The following NTRK1 variants were observed in gnomAD, a reference collection of about 807,000 sequenced individuals.
NTRK1 encodes the protein neurotrophic receptor tyrosine kinase 1.
Under a neutral mutation model 86.8 loss-of-function variants are expected in NTRK1, and 62 were observed. That is an observed-to-expected ratio of 0.71 (90% confidence interval 0.58 to 0.88). NTRK1 has a LOEUF of 0.88. NTRK1 is among the 40% of genes least tolerant of loss of function. NTRK1 has a pLI of 0.00. For synonymous variants in NTRK1, 469 were observed against 456.6 expected, an observed-to-expected ratio of 1.03 and a Z score of -0.35; for missense variants, 967 against 1,078.4, an observed-to-expected ratio of 0.90 and a Z score of 1.45.
chr1:156,879,176 C>CT lies in NTRK1; in HGVS notation c.1860_1861insT (p.Pro621SerfsTer12), dbSNP rs80356676. 4.3e-6 allele frequency: 7 copies of CT among 1,613,070 alleles called. 1 individual carries two copies. The Middle Eastern group carries it at 1.2e-3, about 267-fold the overall frequency. On this transcript the variant is annotated frameshift_variant, in exon 15 of 17. Transcript: ENST00000524377. LOFTEE classifies it high-confidence loss of function. ...CTGGTGGGGAGGATGTGGCTCCAGG[C>CT]CCCCTGGGTCTGGGGCAGCTGCTGG...
rs776166825 is a variant in NTRK1, at chr1:156,879,368, G to A, written c.2046+6G>A. The stretch of plus-strand genomic sequence containing the variant: ...ACAGCACCGACTATTACCGTGTAAG[G>A]GTCCTTTGTCCCCAACGCCTTCCCC... On this transcript the variant is annotated splice_donor_region_variant and intron_variant, in intron 15 of 16. Transcript: ENST00000524377. 1 of 1,595,838 alleles carries A rather than the reference G, an allele frequency of 6.3e-7. No homozygotes were observed. The highest frequency in any genetic ancestry group is 1.1e-5 in the South Asian group (1 of 90,886).
chr1:156,844,401 T>C (rs1218328005), intron 2 of NTRK1: 3 of 1,581,104 alleles, frequency 1.9e-6, no homozygotes, highest in Admixed American at 1.7e-5. Context: ...GGGCCTGTGG[T>C]GGGCTGGGGA....
intron 2 of NTRK1, chr1:156,849,504 A>AGGGGGGGGGGG: frequency 4.1e-6 from 1 of 243,714 alleles, no homozygotes; most frequent in South Asian, 2.6e-5. Flanking sequence ...AGGTGGGGGC[A>AGGGGGGGGGGG]GGGGGTGGGA....
At chr1:156,830,550 C>CTTTTT (rs5778003) in intron 1 of NTRK1, among the ~76,000 whole-genome samples, 2 of 105,410 alleles carry the variant, frequency 1.9e-5, no homozygotes, top group African/African-American at 4.0e-5. Context: ...TTGTGGGATT[C>CTTTTT]TTTTTTTTTT....
chr1:156,878,998 C>T, intron 14 of NTRK1, 124 bp from the exon 15 acceptor site: 1 of 1,159,528 alleles, frequency 8.6e-7, no homozygotes. Context: ...ACTGTTCTCT[C>T]AATCCTCCAC....
chr1:156,832,869 C>T (rs1461294440), intron 1 of NTRK1, among the ~76,000 whole-genome samples: 1 of 152,222 alleles, frequency 6.6e-6, no homozygotes, highest in African/African-American at 2.4e-5. Flanking sequence ...GTCTACATGT[C>T]TTCTCTCCCA....
rs777560126 is a variant in NTRK1, at chr1:156,854,212, G to A, written c.51-10142G>A. 10 of 1,614,068 alleles carry A rather than the reference G, an allele frequency of 6.2e-6. No homozygotes were observed. The highest frequency in any genetic ancestry group is 1.7e-4 in the Middle Eastern group (1 of 6,058). ...AGTCCTCCCCGGTGGCTGTGAACAT[G>A]AGCAGGATCTGCAGGTGGCCCTCCA... On this transcript the variant is annotated intron_variant, in intron 2 of 16. Coordinates refer to the NTRK1 transcript ENST00000392302. This position sits in a 1 kb window ranked among gnomAD's most constrained non-coding sequence, Gnocchi z 4.2.
chr1:156,874,619 C>A lies in NTRK1; in HGVS notation c.1244C>A (p.Pro415His), dbSNP rs2102910231. 1.2e-6 allele frequency: 2 copies of A among 1,613,766 alleles called. No individual in the cohort carries two copies. Among genetic ancestry groups the A allele is most frequent in the Non-Finnish European group, 1.7e-6 (2 of 1,179,846 alleles). Reference protein sequence around the residue: ...GDPVEKKDETPFGVSVAVGLA... With the variant: ...GDPVEKKDETHFGVSVAVGLA... ...CCGGTGGAGAAGAAGGACGAAACAC[C>A]TTTTGGGGTGAGATAGGAAGTAGAA... Residue 415 changes from proline (P) to histidine (H), a missense_variant, in exon 10 of 17, where the codon CCT becomes CAT. Physicochemically the swap from Pro to His is moderately conservative, Grantham distance 77. Coordinates refer to ENST00000524377, the MANE Select transcript of NTRK1 (RefSeq NM_002529.4).
At chr1:156,817,744 G>A (rs946736492) in intron 1 of NTRK1, among the ~76,000 whole-genome samples, 1 of 151,528 alleles carries the variant, frequency 6.6e-6, no homozygotes, top group African/African-American at 2.4e-5. Flanking sequence ...CCAGGTTCAA[G>A]GGATTCTTGT....
At chr1:156,833,432 C>T (rs901418068) in intron 1 of NTRK1, among the ~76,000 whole-genome samples, 11 of 152,136 alleles carry the variant, frequency 7.2e-5, no homozygotes, top group Non-Finnish European at 1.6e-4. Context: ...TGGCATACCC[C>T]TATAATCCCA....
At chr1:156,828,890 C>A (rs1369124425) in intron 1 of NTRK1, among the ~76,000 whole-genome samples, 6 of 152,216 alleles carry the variant, frequency 3.9e-5, no homozygotes, top group South Asian at 2.1e-4. Flanking sequence ...TAAAAGGCTG[C>A]TGCTGTCAGG....
intron 1 of NTRK1, among the ~76,000 whole-genome samples, chr1:156,830,756 T>A (rs1204107604): frequency 6.6e-6 from 1 of 152,058 alleles, no homozygotes. Context: ...GGTTTTGCCA[T>A]GTTGGCCAGG....
intron 12 of NTRK1, 118 bp from the exon 13 acceptor site, chr1:156,875,962 C>T (rs1571698967): frequency 6.7e-7 from 1 of 1,487,828 alleles, no homozygotes; most frequent in East Asian, 2.3e-5. Context: ...TTTTAGCCCC[C>T]ATGCAGTCCC....
chr1:156,848,886 C>T (rs1376536674), intron 2 of NTRK1: 2 of 1,545,332 alleles, frequency 1.3e-6, no homozygotes, highest in Non-Finnish European at 1.7e-6. Context: ...CTCGTCCGGT[C>T]CCGCCCCCGC....
At chr1:156,842,560 G>A in intron 2 of NTRK1, 1 of 1,463,262 alleles carries the variant, frequency 6.8e-7, no homozygotes, top group South Asian at 1.1e-5. Flanking sequence ...TGACCCATTT[G>A]GCCAAAATTC....
rs530955534 is a variant in NTRK1 at position 156,873,157 on chromosome 1, C to T, written c.851-476C>T. Reference sequence around the variant, plus strand: ...GAACTCCTGGCCTCAAGCGATCCTCCCACCTCAGCCCCCTGAGTAGCTGGG... The same window carrying T: ...GAACTCCTGGCCTCAAGCGATCCTCTCACCTCAGCCCCCTGAGTAGCTGGG... On this transcript the variant is annotated intron_variant, in intron 7 of 16. Transcript: ENST00000524377. 5.3e-5 allele frequency among the ~76,000 whole-genome samples: 8 copies of T among 151,870 alleles called. No individual in the cohort carries two copies. In the East Asian group the frequency reaches 1.6e-3, roughly 30 times the overall value.
chr1:156,844,125 T>C (rs1325911283), intron 2 of NTRK1: 1 of 1,357,412 alleles, frequency 7.4e-7, no homozygotes, highest in East Asian at 2.3e-5. Context: ...GACTTTATGA[T>C]GAGGGCTCAG....
chr1:156,881,543 G>T lies in NTRK1; in HGVS notation c.2292G>T (p.Trp764Cys), dbSNP rs1420472466. The T allele has an allele frequency of 1.9e-6, 3 of 1,607,008 alleles. No individual in the cohort carries two copies. The highest frequency in any genetic ancestry group is 2.5e-6 in the Non-Finnish European group (3 of 1,177,188). Residue 764 changes from tryptophan (W) to cysteine (C), a missense_variant, in exon 17 of 17, where the codon TGG becomes TGT. Trp to Cys is a radical substitution (Grantham distance 215). Around this residue, in one of 2 missense-constraint regions of NTRK1, gnomAD observed 637 missense variants for 776.5 expected, o/e 0.82. Coordinates refer to ENST00000524377, the MANE Select transcript of NTRK1 (RefSeq NM_002529.4). ...TCTACGCCATCATGCGGGGCTGCTG[G>T]CAGCGGGAGCCCCAGCAACGCCACA... is the stretch of plus-strand genomic sequence containing the variant. ...PEVYAIMRGC[W>C]QREPQQRHSI...
intron 2 of NTRK1, among the ~76,000 whole-genome samples, chr1:156,852,969 T>C (rs1365282198): frequency 6.6e-6 from 1 of 152,042 alleles, no homozygotes; most frequent in Non-Finnish European, 1.5e-5. Context: ...GACCACCAGG[T>C]TGGGGGACCC....
Sources: gnomAD v4.1 joint callset for allele counts (sites outside exome capture counted in the v4.1 genomes callset) on GRCh38, gnomAD v4.1.1 for gene constraint, gnomAD v4.1.1 regional missense constraint, Gnocchi (gnomAD v3.1) non-coding constraint, MANE v1.5 for transcripts, NCBI Gene and HGNC (gene_info 2026-07-23, HGNC 2026-07-21) for gene names.